Variants in PHF2 observed in about 807,000 individuals in gnomAD.
PHF2 encodes the protein PHD finger protein 2, also known as lysine-specific demethylase PHF2.
Under a neutral mutation model 120.5 loss-of-function variants are expected in PHF2, and 27 were observed. The observed-to-expected ratio is 0.22, with a 90% CI of 0.17 to 0.31. The LOEUF is 0.31. Ranked by LOEUF, PHF2 falls within the 10% of genes least tolerant of loss-of-function variation. PHF2 has a pLI of 1.00. For synonymous variants in PHF2, 568 were observed against 592.5 expected, an observed-to-expected ratio of 0.96 and a Z score of 0.60; for missense variants, 1,024 against 1,434.8, an observed-to-expected ratio of 0.71 and a Z score of 4.63.
chr9:93,606,185 G>A (rs574561677), intron 1 of PHF2, among the ~76,000 whole-genome samples: 1 of 152,148 alleles, frequency 6.6e-6, no homozygotes, highest in African/African-American at 2.4e-5. Flanking sequence ...GCCCAGGCTG[G>A]TCTTGAACTC....
Position 93,645,767 on chromosome 9 carries a change from C to G in PHF2, c.438C>G (p.Val146=). The G allele has an allele frequency of 6.2e-7, 1 of 1,603,506 alleles. No homozygotes were observed. ...CTGTCCCGGCCCCCACGTTCTATGT[C>G]AGTGACGTCGAGAACTACGTGGGTA... is the stretch of plus-strand genomic sequence containing the variant. ...GLAVPAPTFY[V]SDVENYVGPE... The change falls in exon 4 of 22, where the codon GTC becomes GTG. Residue 146 remains valine (V), a synonymous_variant. Transcript: ENST00000359246.
intron 2 of PHF2, among the ~76,000 whole-genome samples, chr9:93,630,782 T>C (rs373133200): frequency 3.4e-4 from 51 of 152,220 alleles, no homozygotes; most frequent in African/African-American, 1.2e-3. Flanking sequence ...GGGAGGGGTG[T>C]GGCCTGTAGA....
chr9:93,593,648 A>G (rs962871253), intron 1 of PHF2, among the ~76,000 whole-genome samples: 8 of 152,242 alleles, frequency 5.3e-5, no homozygotes, highest in African/African-American at 1.9e-4. Flanking sequence ...CAAGAATTCT[A>G]CACTGTTGAA....
intron 5 of PHF2, among the ~76,000 whole-genome samples, chr9:93,650,408 A>G (rs1459945295): frequency 6.6e-6 from 1 of 152,112 alleles, no homozygotes; most frequent in Non-Finnish European, 1.5e-5. Flanking sequence ...ACAGTTACTA[A>G]CACCTGCACA....
chr9:93,608,812 T>C (rs1825587590), intron 1 of PHF2, among the ~76,000 whole-genome samples: 1 of 152,150 alleles, frequency 6.6e-6, no homozygotes, highest in African/African-American at 2.4e-5. Context: ...CCTTGTTTTT[T>C]TAAATTTTAT....
chr9:93,636,065 G>C lies in PHF2; in HGVS notation c.185-346G>C, dbSNP rs956675649. On this transcript the variant is annotated intron_variant, in intron 2 of 21. Transcript: ENST00000359246. ...CATGGGATGGTGAGGCCAAACCGTG[G>C]CTGAGGACCTTTTCAGGAGGTGGCT... is the stretch of plus-strand genomic sequence containing the variant. Among the ~76,000 whole-genome samples, 20 of 152,254 alleles carry C rather than the reference G, an allele frequency of 1.3e-4. No individual in the cohort carries two copies. In the South Asian group the frequency reaches 2.7e-3, roughly 21 times the overall value.
In PHF2 at chr9:93,673,588, G is replaced by C; in HGVS notation, c.2352G>C (p.Gln784His). The C allele has an allele frequency of 6.4e-7, 1 of 1,561,300 alleles. No individual in the cohort carries two copies. The highest frequency in any genetic ancestry group is 8.7e-7 in the Non-Finnish European group (1 of 1,149,824). Residue 784 changes from glutamine (Q) to histidine (H), a missense_variant, in exon 18 of 22, where the codon CAG becomes CAC. Around this residue, in one of 2 missense-constraint regions of PHF2, gnomAD observed 677 missense variants for 857.4 expected, o/e 0.79. Coordinates refer to ENST00000359246, the MANE Select transcript of PHF2 (RefSeq NM_005392.4). The part of the protein sequence containing the change: ...VGALEYNPSS[Q>H]PPASPSTQEA... ...GCCTGTCTCTCTGTGCCCCTAGCCA[G>C]CCCCCGGCCTCCCCCAGCACACAGG... is the stretch of plus-strand genomic sequence containing the variant.
intron 16 of PHF2, 141 bp from the exon 17 acceptor site, chr9:93,666,939 A>C: frequency 2.5e-6 from 1 of 404,432 alleles, no homozygotes; most frequent in Non-Finnish European, 3.9e-6. Context: ...TAAATAAATA[A>C]ATAAAAATAA....
chr9:93,663,747 C>T (rs528361390), intron 14 of PHF2, 112 bp downstream of exon 14: 33 of 650,788 alleles, frequency 5.1e-5, no homozygotes, highest in Non-Finnish European at 8.3e-5. Flanking sequence ...TACACACACA[C>T]TATGCATGCA....
At chr9:93,653,082 G>A in intron 5 of PHF2, 97 bp from the exon 6 acceptor site, 1 of 1,117,036 alleles carries the variant, frequency 9.0e-7, no homozygotes, top group South Asian at 1.5e-5. Context: ...GGTGGTGAGA[G>A]AGCGTGGGAC....
At chr9:93,594,375 G>A (rs1396820917) in intron 1 of PHF2, among the ~76,000 whole-genome samples, 6 of 152,208 alleles carry the variant, frequency 3.9e-5, no homozygotes, top group Non-Finnish European at 8.8e-5. Flanking sequence ...AACATTCCAG[G>A]TCGGGGCGGC....
chr9:93,583,218 T>A (rs1436852047), intron 1 of PHF2, among the ~76,000 whole-genome samples: 2 of 152,262 alleles, frequency 1.3e-5, no homozygotes, highest in African/African-American at 4.8e-5. Context: ...TTTTTGAGGT[T>A]CATCCACATT....
At chr9:93,662,341 A>G (rs1299803969) in intron 12 of PHF2, among the ~76,000 whole-genome samples, 1 of 150,090 alleles carries the variant, frequency 6.7e-6, no homozygotes, top group Non-Finnish European at 1.5e-5. Context: ...ATGAATGAAC[A>G]AATGGATGGA....
At chr9:93,663,737 T>G (rs1449806253) in intron 14 of PHF2, 102 bp downstream of exon 14, 1 of 677,772 alleles carries the variant, frequency 1.5e-6, no homozygotes, top group Non-Finnish European at 2.7e-6. Flanking sequence ...ACACACACAT[T>G]ACACACACAC....
rs1826092545 is a variant in PHF2, at chr9:93,636,398, G to C, written c.185-13G>C. ...CGCTGTGTGACCGACCTTGCTTCCG[G>C]TCTCCTCCACAGTAAAGAAGAAGCG... is the stretch of plus-strand genomic sequence containing the variant. On this transcript the variant is annotated splice_polypyrimidine_tract_variant and intron_variant, in intron 2 of 21. Transcript: ENST00000359246. The C allele has an allele frequency of 1.9e-6, 3 of 1,592,284 alleles. No individual in the cohort carries two copies. Among genetic ancestry groups the C allele is most frequent in the Non-Finnish European group, 2.6e-6 (3 of 1,168,870 alleles).
intron 18 of PHF2, 46 bp downstream of exon 18, chr9:93,673,908 A>G: frequency 6.6e-7 from 1 of 1,512,136 alleles, no homozygotes; most frequent in African/African-American, 1.4e-5. Context: ...TCAGCCCTAG[A>G]AGGCCTGGCT....
chr9:93,632,372 A>ATGTGTGTGTGCATGTGCT (rs1564388387), intron 2 of PHF2, among the ~76,000 whole-genome samples: 2 of 152,168 alleles, frequency 1.3e-5, no homozygotes, highest in Non-Finnish European at 2.9e-5. Context: ...GTGCATGTGT[A>ATGTGTGTGTGCATGTGCT]TGTGTGTGTG....
intron 1 of PHF2, among the ~76,000 whole-genome samples, chr9:93,582,183 A>G (rs1405550723): frequency 1.3e-5 from 2 of 152,164 alleles, no homozygotes; most frequent in African/African-American, 2.4e-5. Flanking sequence ...TGGCTTCATC[A>G]GGTGCACTCT....
In PHF2 at chr9:93,576,728, C is replaced by T; in HGVS notation, c.-46C>T. Reference sequence around the variant, plus strand: ...GGCCCCCGGCCCGGCCCGGACCGACCCGGGCAGCGCAGCGGCGGGGCCGAG... The same window carrying T: ...GGCCCCCGGCCCGGCCCGGACCGACTCGGGCAGCGCAGCGGCGGGGCCGAG... On this transcript the variant is annotated 5_prime_UTR_variant, in exon 1 of 22. Coordinates refer to ENST00000359246, the MANE Select transcript of PHF2 (RefSeq NM_005392.4). The T allele has an allele frequency of 3.0e-6, 3 of 994,320 alleles. No individual in the cohort carries two copies. Among genetic ancestry groups the T allele is most frequent in the Non-Finnish European group, 3.7e-6 (3 of 803,192 alleles). The allele number at this position is 994,320 out of a possible 1,614,324, so 61.6% of individuals were successfully genotyped here. A position where few individuals can be genotyped will look rare whatever the true frequency, so the allele number is the denominator to read the frequency against.
Sources: allele counts gnomAD v4.1 joint callset (sites outside exome capture counted in the v4.1 genomes callset), GRCh38; gene constraint gnomAD v4.1.1; regional missense constraint gnomAD v4.1.1; transcripts MANE v1.5; gene names NCBI Gene and HGNC (gene_info 2026-07-23, HGNC 2026-07-21).